The following PCDHGB3 variants were observed in gnomAD, a reference collection of about 807,000 sequenced individuals.
The protein encoded by PCDHGB3 is protocadherin gamma subfamily B, 3, also known as protocadherin gamma-B3.
In PCDHGB3, 40 loss-of-function variants were observed where a neutral mutation model predicts 59.2. The ratio of observed to expected loss-of-function variants is 0.68; its 90% CI spans 0.52 to 0.88. The LOEUF is 0.88. Among genes scored for constraint, PCDHGB3 ranks in the 40% least tolerant of loss-of-function variants. PCDHGB3 has a pLI of 0.00. For missense variants in PCDHGB3, 1,309 were observed against 1,187.9 expected (o/e 1.10, Z -1.50); for synonymous variants, 581 against 503.6 (o/e 1.15, Z -2.06).
rs2094486958 is a variant in PCDHGB3, at chr5:141,404,117, A to C, written c.2415+31308A>C. 3 of 1,613,468 alleles carry C rather than the reference A, an allele frequency of 1.9e-6. No homozygotes were observed. Among genetic ancestry groups the C allele is most frequent in the Non-Finnish European group, 1.7e-6 (2 of 1,179,548 alleles). On this transcript the variant is annotated intron_variant, in intron 1 of 3. Coordinates refer to ENST00000576222, the MANE Select transcript of PCDHGB3 (RefSeq NM_018924.5). ...TCAAGTTGTCTGTTCTATCCAGGAG[A>C]ATCTATCTTTTACATTAGAAAATTC...
At position 141,427,779 on chromosome 5, in the gene PCDHGB3, C is replaced by T. The variant is rs1196661076; in HGVS notation, c.2415+54970C>T. On this transcript the variant is annotated intron_variant, in intron 1 of 3. Transcript: ENST00000576222. Reference sequence around the variant, plus strand: ...TACCACTGACTTGGAGCTGCGGGCACTGTCGTCCTACGTGTCCGTGAGCGC... The same window carrying T: ...TACCACTGACTTGGAGCTGCGGGCATTGTCGTCCTACGTGTCCGTGAGCGC... 2.1e-6 allele frequency: 3 copies of T among 1,454,498 alleles called. No individual in the cohort carries two copies. The East Asian group carries it at 6.8e-5, about 33-fold the overall frequency. The allele number at this position is 1,454,498 out of a possible 1,614,324, so 90.1% of individuals were successfully genotyped here. A position where few individuals can be genotyped will look rare whatever the true frequency, so the allele number is the denominator to read the frequency against.
intron 1 of PCDHGB3, chr5:141,398,109 G>T: frequency 6.3e-7 from 1 of 1,594,204 alleles, no homozygotes; most frequent in Non-Finnish European, 8.5e-7. Context: ...TGGTGAGCAA[G>T]CTGAGGAGAG....
chr5:141,439,056 T>C (rs2098084461), intron 1 of PCDHGB3, among the ~76,000 whole-genome samples: 1 of 151,260 alleles, frequency 6.6e-6, no homozygotes, highest in Non-Finnish European at 1.5e-5. Flanking sequence ...TTCCATATTG[T>C]GTGGCAGGCG....
intron 1 of PCDHGB3, chr5:141,392,685 A>C: frequency 8.3e-6 from 9 of 1,078,992 alleles, no homozygotes; most frequent in Non-Finnish European, 1.2e-5. Context: ...ACTGCAGCGA[A>C]ACCCGACCCC....
chr5:141,414,351 G>A (rs771256149), intron 1 of PCDHGB3: 16 of 1,613,676 alleles, frequency 9.9e-6, no homozygotes, highest in South Asian at 6.6e-5. Flanking sequence ...CCATTTTGGC[G>A]TATCTACCAT....
chr5:141,482,758 T>TGC (rs1413945459), intron 1 of PCDHGB3, among the ~76,000 whole-genome samples: 74 of 141,724 alleles, frequency 5.2e-4, no homozygotes, highest in African/African-American at 9.9e-4. Flanking sequence ...ATTATGGTAT[T>TGC]TCATTATCAC....
At position 141,491,084 on chromosome 5, in the gene PCDHGB3, C is replaced by T; in HGVS notation, c.2416-3723C>T. On this transcript the variant is annotated intron_variant, in intron 1 of 3. Transcript: ENST00000576222. This position sits in a 1 kb window ranked among gnomAD's most constrained non-coding sequence, Gnocchi z 6.9. ...TACTCACTGTTGCCACAGTCCACAGCCCCAGGACTGTTCCTCGTGTCTACA... is the reference window on the plus strand; with the variant it reads ...TACTCACTGTTGCCACAGTCCACAGTCCCAGGACTGTTCCTCGTGTCTACA... The T allele has an allele frequency of 6.2e-7, 1 of 1,614,106 alleles. No homozygotes were observed. The highest frequency in any genetic ancestry group is 1.1e-5 in the South Asian group (1 of 91,082).
chr5:141,490,604 A>T lies in PCDHGB3; in HGVS notation c.2416-4203A>T, dbSNP rs749528675. ...GTCAATGACAATGCACCCCGCTTCA[A>T]CCAGCAGCTTTACACTGCTTACATC... On this transcript the variant is annotated intron_variant, in intron 1 of 3. Transcript: ENST00000576222. The surrounding 1 kb of genome is among the most constrained non-coding windows in gnomAD (Gnocchi z 5.4). 6.2e-7 allele frequency: 1 copy of T among 1,614,192 alleles called. No homozygotes were observed. The highest frequency in any genetic ancestry group is 8.5e-7 in the Non-Finnish European group (1 of 1,180,022).
At chr5:141,413,650 C>T (rs1384444202) in intron 1 of PCDHGB3, 2 of 1,613,714 alleles carry the variant, frequency 1.2e-6, no homozygotes, top group Non-Finnish European at 1.7e-6. Flanking sequence ...TTTTCCTCTC[C>T]CGGAAGCTAT....
At position 141,431,215 on chromosome 5, in the gene PCDHGB3, C is replaced by G. The variant is rs1225114172; in HGVS notation, c.2415+58406C>G. 1 of 1,614,184 alleles carries G rather than the reference C, an allele frequency of 6.2e-7. No individual in the cohort carries two copies. Among genetic ancestry groups the G allele is most frequent in the Admixed American group, 1.7e-5 (1 of 60,032 alleles). On this transcript the variant is annotated intron_variant, in intron 1 of 3. Coordinates refer to ENST00000576222, the MANE Select transcript of PCDHGB3 (RefSeq NM_018924.5). This position sits in a 1 kb window ranked among gnomAD's most constrained non-coding sequence, Gnocchi z 4.8. ...AAAATGCAGCCACTGAGATGCGGTTCCCTCTACCCCACGCCTGGGATCCGG... is the reference window on the plus strand; with the variant it reads ...AAAATGCAGCCACTGAGATGCGGTTGCCTCTACCCCACGCCTGGGATCCGG...
intron 1 of PCDHGB3, chr5:141,384,777 G>A: frequency 1.2e-6 from 2 of 1,613,860 alleles, no homozygotes; most frequent in Non-Finnish European, 1.7e-6. Context: ...CGGGCGAGGT[G>A]CGCACGGCTC....
rs70988800 is a variant in PCDHGB3, at chr5:141,379,889, C to CTTTTTTTTTTTTTTTTTTTTTTTTT, written c.2415+7086_2415+7110dup. Among the ~76,000 whole-genome samples, 41 of 50,832 alleles carry CTTTTTTTTTTTTTTTTTTTTTTTTT rather than the reference C, an allele frequency of 8.1e-4. 4 individuals are homozygous for CTTTTTTTTTTTTTTTTTTTTTTTTT. The highest frequency in any genetic ancestry group is 1.7e-3 in the Admixed American group (6 of 3,578). The allele number at this position is 50,832 out of a possible 152,430, so 33.3% of individuals were successfully genotyped here. A position where few individuals can be genotyped will look rare whatever the true frequency, so the allele number is the denominator to read the frequency against. On this transcript the variant is annotated intron_variant, in intron 1 of 3. Coordinates refer to ENST00000576222, the MANE Select transcript of PCDHGB3 (RefSeq NM_018924.5). ...CTTATTTTATGGTCTGTGAAAGCCT[C>CTTTTTTTTTTTTTTTTTTTTTTTTT]TTTTTTTTTTTTTTTTTTTTTTTTT...
Position 141,405,346 on chromosome 5 carries a change from G to T in PCDHGB3, c.2415+32537G>T, listed in dbSNP as rs184640789. 60 of 1,614,108 alleles carry T rather than the reference G, an allele frequency of 3.7e-5. No individual in the cohort carries two copies. The East Asian group carries it at 1.3e-3, about 35-fold the overall frequency. The stretch of plus-strand genomic sequence containing the variant: ...CTTTGTGCGTCTCTGTTGATTCCAA[G>T]TTTCCTATAGAAGACACCCCTTTGG... On this transcript the variant is annotated intron_variant, in intron 1 of 3. Transcript: ENST00000576222.
In PCDHGB3 at chr5:141,476,776, G is replaced by A. The variant is rs764674164; in HGVS notation, c.2416-18031G>A. 9.3e-6 allele frequency: 15 copies of A among 1,612,744 alleles called. No homozygotes were observed. The highest frequency in any genetic ancestry group is 1.3e-5 in the Non-Finnish European group (15 of 1,179,218). On this transcript the variant is annotated intron_variant, in intron 1 of 3. Coordinates refer to ENST00000576222, the MANE Select transcript of PCDHGB3 (RefSeq NM_018924.5). This position sits in a 1 kb window ranked among gnomAD's most constrained non-coding sequence, Gnocchi z 7.6. ...TAGTGCTGACGGCGTTGGACGGAGG[G>A]ACCCCAGCTCTCTCCGCCAGCCTGC...
chr5:141,433,222 A>G, intron 1 of PCDHGB3: 6 of 1,519,556 alleles, frequency 3.9e-6, no homozygotes, highest in Non-Finnish European at 5.4e-6. Flanking sequence ...TTTTTTTTTA[A>G]TTGCTCTGTC....
chr5:141,487,684 C>G lies in PCDHGB3; in HGVS notation c.2416-7123C>G. On this transcript the variant is annotated intron_variant, in intron 1 of 3. Coordinates refer to ENST00000576222, the MANE Select transcript of PCDHGB3 (RefSeq NM_018924.5). The surrounding 1 kb of genome is among the most constrained non-coding windows in gnomAD (Gnocchi z 5.0). ...ATCCAGGCATATGGCTAGGCCATGT[C>G]CTAGAGAGTACTGGCCTCTCAGTAA... is the stretch of plus-strand genomic sequence containing the variant. The G allele has an allele frequency of 6.2e-7, 1 of 1,607,562 alleles. No individual in the cohort carries two copies. Among genetic ancestry groups the G allele is most frequent in the East Asian group, 2.2e-5 (1 of 44,768 alleles).
chr5:141,443,167 C>T (rs745545091), intron 1 of PCDHGB3, among the ~76,000 whole-genome samples: 4 of 152,084 alleles, frequency 2.6e-5, no homozygotes, highest in Non-Finnish European at 5.9e-5. Flanking sequence ...TTTCCCTACC[C>T]ATGTCCACTG....
At chr5:141,375,761 C>A in intron 1 of PCDHGB3, 1 of 1,614,236 alleles carries the variant, frequency 6.2e-7, no homozygotes, top group Non-Finnish European at 8.5e-7. Flanking sequence ...TGACAATGCG[C>A]CCGAGATCCT....
chr5:141,419,869 G>A, intron 1 of PCDHGB3: 3 of 1,614,072 alleles, frequency 1.9e-6, no homozygotes, highest in South Asian at 1.1e-5. Flanking sequence ...GCTTGCAAGA[G>A]GTACTGCCGG....
Sources: gnomAD v4.1 joint callset for allele counts (sites outside exome capture counted in the v4.1 genomes callset) on GRCh38, gnomAD v4.1.1 for gene constraint, Gnocchi (gnomAD v3.1) non-coding constraint, MANE v1.5 for transcripts, NCBI Gene and HGNC (gene_info 2026-07-23, HGNC 2026-07-21) for gene names.